ELFN2: variants seen among roughly 807,000 people sequenced by gnomAD.
ELFN2 encodes extracellular leucine rich repeat and fibronectin type III domain containing 2, also known as protein phosphatase 1 regulatory subunit 29.
Under a neutral mutation model 45.5 loss-of-function variants are expected in ELFN2, and 17 were observed. The ratio of observed to expected loss-of-function variants is 0.37; its 90% CI spans 0.26 to 0.56. The LOEUF (loss-of-function observed/expected upper bound fraction) is 0.56, where lower values mean the gene tolerates loss of function less well. Ranked by LOEUF, ELFN2 falls within the 20% of genes least tolerant of loss-of-function variation. The pLI, the probability that ELFN2 is intolerant of heterozygous loss-of-function variation, is 0.77. For missense variants in ELFN2, 922 were observed against 1,183.2 expected (o/e 0.78, Z 3.24); for synonymous variants, 550 against 551.5 (o/e 1.00, Z 0.04).
intron 2 of ELFN2, among the ~76,000 whole-genome samples, chr22:37,404,481 A>C (rs1932446279): frequency 6.6e-6 from 1 of 152,008 alleles, no homozygotes; most frequent in Admixed American, 6.6e-5. Context: ...TGGAACAGGG[A>C]GCCTCAGAGA....
rs1284895885 is a variant in ELFN2, at chr22:37,372,415, G to GT, written c.*656dup. 1 of 152,484 alleles carries GT rather than the reference G, an allele frequency of 6.6e-6. No individual in the cohort carries two copies. The highest frequency in any genetic ancestry group is 1.5e-5 in the Non-Finnish European group (1 of 68,200). The allele number at this position is 152,484 out of a possible 1,614,324, so 9.4% of individuals were successfully genotyped here. On this transcript the variant is annotated 3_prime_UTR_variant, in exon 3 of 3. Coordinates refer to ENST00000402918, the MANE Select transcript of ELFN2 (RefSeq NM_052906.5). This position sits in a 1 kb window ranked among gnomAD's most constrained non-coding sequence, Gnocchi z 4.4. ...CCACAGCTTCGGAAAGGGATGTGGG[G>GT]TGGGCACAGGGCGGGCAGGGGTCCA...
intron 1 of ELFN2, among the ~76,000 whole-genome samples, chr22:37,421,221 C>T (rs565581724): frequency 6.6e-6 from 1 of 152,338 alleles, no homozygotes; most frequent in East Asian, 1.9e-4. Flanking sequence ...TCCCCACCTC[C>T]GGGCCCCTGC....
At chr22:37,366,905 C>T (rs774678885), downstream of ELFN2, among the ~76,000 whole-genome samples, 12 of 152,188 alleles carry the variant, frequency 7.9e-5, no homozygotes, top group Non-Finnish European at 1.6e-4. Flanking sequence ...GGCCCCAGGC[C>T]CTGGGCCATC....
At chr22:37,392,289 G>A (rs1334678080) in intron 2 of ELFN2, among the ~76,000 whole-genome samples, 1 of 146,970 alleles carries the variant, frequency 6.8e-6, no homozygotes, top group African/African-American at 2.5e-5. Context: ...TTTTTGTTGT[G>A]TTTTTTGTTT....
intron 1 of ELFN2, chr22:37,420,290 C>T (rs1932800127): frequency 6.6e-6 from 1 of 152,504 alleles, no homozygotes; most frequent in African/African-American, 2.4e-5. Flanking sequence ...GCACCCGCCC[C>T]GTGCGCCCCC....
At chr22:37,382,561 TTA>T (rs1387919409) in intron 2 of ELFN2, among the ~76,000 whole-genome samples, 2,787 of 62,254 alleles carry the variant, frequency 0.045, 126 homozygotes, top group African/African-American at 0.18. Context: ...TTTTTTTTTT[TTA>T]AAAACAGACT....
intron 1 of ELFN2, among the ~76,000 whole-genome samples, chr22:37,350,231 C>G (rs375388500): frequency 8.0e-5 from 12 of 150,014 alleles, no homozygotes; most frequent in African/African-American, 2.9e-4. Flanking sequence ...TACAGTTTGT[C>G]TAGAAGGGGC....
At position 37,373,487 on chromosome 22, in the gene ELFN2, C is replaced by T. The variant is rs962800042; in HGVS notation, c.2048G>A (p.Gly683Asp). Reference sequence around the variant, plus strand: ...GCCCCCGCCGCTGCCCCCGCCGCTGCCCGCCGGCACCAGCGGGAGCCGGTC... The same window carrying T: ...GCCCCCGCCGCTGCCCCCGCCGCTGTCCGCCGGCACCAGCGGGAGCCGGTC... ...PLDRLPLVPAGSGGGSGGGGG... is the reference protein window; with the variant it reads ...PLDRLPLVPADSGGGSGGGGG... Residue 683 changes from glycine to aspartate, a missense_variant, in exon 3 of 3, where the codon GGC (glycine) becomes GAC (aspartate). Around this residue, in one of 2 missense-constraint regions of ELFN2, gnomAD observed 564 missense variants for 642.8 expected, o/e 0.88. Coordinates refer to ENST00000402918, the MANE Select transcript of ELFN2 (RefSeq NM_052906.5). 1.3e-6 allele frequency: 2 copies of T among 1,536,952 alleles called. No homozygotes were observed. Among genetic ancestry groups the T allele is most frequent in the African/African-American group, 1.4e-5 (1 of 72,908 alleles).
chr22:37,415,599 G>A lies in ELFN2; in HGVS notation c.-463+2170C>T, dbSNP rs117394328. ...TAAGGGTCATGGGGAAAGGTACGAT[G>A]CCACAGAACTCTAGTGAGATCTGGC... On this transcript the variant is annotated intron_variant, in intron 2 of 2. Transcript: ENST00000402918. Among the ~76,000 whole-genome samples, 430 of 152,342 alleles carry A rather than the reference G, an allele frequency of 2.8e-3. 3 individuals carry two copies. Among genetic ancestry groups the A allele is most frequent in the South Asian group, 0.013 (65 of 4,830 alleles).
chr22:37,393,853 T>C (rs1037747199), intron 2 of ELFN2, among the ~76,000 whole-genome samples: 1 of 152,204 alleles, frequency 6.6e-6, no homozygotes, highest in Non-Finnish European at 1.5e-5. Context: ...CTCTGCCTAA[T>C]GGAGCTGCAG....
intron 1 of ELFN2, among the ~76,000 whole-genome samples, chr22:37,343,519 G>T (rs1930611589): frequency 6.6e-6 from 1 of 152,024 alleles, no homozygotes; most frequent in Non-Finnish European, 1.5e-5. Context: ...TCCACTGTCG[G>T]TTTCACGCCT....
intron 1 of ELFN2, among the ~76,000 whole-genome samples, chr22:37,355,418 C>A (rs996853897): frequency 1.3e-5 from 2 of 152,258 alleles, no homozygotes; most frequent in African/African-American, 4.8e-5. Context: ...CCACACCTGA[C>A]CTGTCACTGG....
chr22:37,412,821 T>C (rs911626951), intron 2 of ELFN2, among the ~76,000 whole-genome samples: 23 of 152,274 alleles, frequency 1.5e-4, no homozygotes, highest in African/African-American at 4.3e-4. Flanking sequence ...GCCTCTGGCA[T>C]TGGGAGCCCG....
chr22:37,349,255 A>G (rs8141354), intron 1 of ELFN2, among the ~76,000 whole-genome samples: 88,306 of 150,490 alleles, frequency 0.59, 27,805 homozygotes, highest in Middle Eastern at 0.73. Context: ...GCTTGTGAGA[A>G]CCAGAGGCCA....
intron 1 of ELFN2, among the ~76,000 whole-genome samples, chr22:37,348,716 G>GC (rs1334167971): frequency 6.6e-6 from 1 of 150,794 alleles, no homozygotes; most frequent in Admixed American, 6.6e-5. Flanking sequence ...AGCTCCCGGG[G>GC]CCCACCAATC....
At chr22:37,359,224 G>A (rs1342974473) in intron 1 of ELFN2, among the ~76,000 whole-genome samples, 2 of 152,206 alleles carry the variant, frequency 1.3e-5, no homozygotes, top group African/African-American at 4.8e-5. Flanking sequence ...TGGTCCAAAT[G>A]AGGAAGGGAA....
chr22:37,394,071 A>C (rs4820287), intron 2 of ELFN2, among the ~76,000 whole-genome samples: 60,239 of 152,050 alleles, frequency 0.4, 15,455 homozygotes, highest in African/African-American at 0.73. Flanking sequence ...GTACAGATGC[A>C]GGGATGGAGC....
chr22:37,391,872 A>G (rs1373655912), intron 2 of ELFN2, among the ~76,000 whole-genome samples: 1 of 152,214 alleles, frequency 6.6e-6, no homozygotes, highest in Non-Finnish European at 1.5e-5. Flanking sequence ...TCTGAGACTC[A>G]GGAGGAAGGG....
At chr22:37,411,324 T>C (rs903433143) in intron 2 of ELFN2, among the ~76,000 whole-genome samples, 6 of 152,054 alleles carry the variant, frequency 3.9e-5, no homozygotes, top group South Asian at 2.1e-4. Context: ...GCTGCTTAGA[T>C]CAAGGGCCCT....
Sources: gnomAD v4.1 joint callset for allele counts (sites outside exome capture counted in the v4.1 genomes callset) on GRCh38, gnomAD v4.1.1 for gene constraint, gnomAD v4.1.1 regional missense constraint, Gnocchi (gnomAD v3.1) non-coding constraint, MANE v1.5 for transcripts, NCBI Gene and HGNC (gene_info 2026-07-23, HGNC 2026-07-21) for gene names.